Variants in PAK1 observed in about 807,000 individuals in gnomAD.
PAK1 encodes the protein p21 (RAC1) activated kinase 1.
A neutral mutation model predicts 67.4 loss-of-function variants in PAK1; 29 were observed. The observed-to-expected ratio is 0.43, with a 90% CI of 0.32 to 0.59. PAK1 has a LOEUF of 0.59. PAK1 is among the 20% of genes least tolerant of loss of function. The pLI is 0.07. For missense variants in PAK1, 337 were observed against 670.7 expected (o/e 0.50, Z 5.50); for synonymous variants, 223 against 237.4 (o/e 0.94, Z 0.56).
At chr11:77,517,843 G>A in the PAK1 span, among the ~76,000 whole-genome samples, 3 of 152,292 alleles carry the variant, frequency 2.0e-5, no homozygotes, top group South Asian at 2.1e-4. Context: ...CTCATAAGGA[G>A]CACACAACCT....
At chr11:77,374,052 T>G (rs1341713320) in intron 5 of PAK1, among the ~76,000 whole-genome samples, 1 of 152,206 alleles carries the variant, frequency 6.6e-6, no homozygotes, top group African/African-American at 2.4e-5. Flanking sequence ...GTTCCAAAAT[T>G]AGAATTTCTA....
chr11:77,341,394 T>C lies in PAK1; in HGVS notation c.999-631A>G, dbSNP rs577375148. ...GTATACATAGTCATTATGCTGACAA[T>C]TGACCTCTACTTTGAGTGTCTGTGG... On this transcript the variant is annotated intron_variant, in intron 10 of 14. Coordinates refer to ENST00000356341, the MANE Select transcript of PAK1 (RefSeq NM_002576.5). Among the ~76,000 whole-genome samples the C allele has an allele frequency of 5.4e-4, 82 of 152,330 alleles. 1 individual carries two copies. The South Asian group carries it at 0.016, about 29-fold the overall frequency.
At chr11:77,371,499 T>C (rs571024276) in intron 5 of PAK1, among the ~76,000 whole-genome samples, 3 of 152,312 alleles carry the variant, frequency 2.0e-5, no homozygotes, top group African/African-American at 7.2e-5. Flanking sequence ...AGTGAATACA[T>C]GAATGCTCAG....
chr11:77,468,141 G>C (rs1334812664), intron 1 of PAK1, among the ~76,000 whole-genome samples: 1 of 152,196 alleles, frequency 6.6e-6, no homozygotes, highest in Admixed American at 6.5e-5. Flanking sequence ...AGGGATATTG[G>C]AGAAGGCTGG....
upstream of PAK1, among the ~76,000 whole-genome samples, chr11:77,478,781 A>C (rs932209577): frequency 2.0e-5 from 3 of 151,114 alleles, no homozygotes; most frequent in African/African-American, 7.3e-5. Context: ...TCAACATTTA[A>C]ATGTTAAGAT....
the PAK1 span, among the ~76,000 whole-genome samples, chr11:77,489,386 CCTCCTCT>C: frequency 0.13 from 19,818 of 148,822 alleles, 1,873 homozygotes; most frequent in Non-Finnish European, 0.19. Context: ...ATCTCCCCTC[CCTCCTCT>C]CTCCTCTCTC....
chr11:77,327,372 G>T (rs1157570918), intron 14 of PAK1, among the ~76,000 whole-genome samples: 2 of 152,296 alleles, frequency 1.3e-5, no homozygotes, highest in East Asian at 3.9e-4. Context: ...AAATGTTAAG[G>T]GCAGCCAGAG....
intron 5 of PAK1, among the ~76,000 whole-genome samples, chr11:77,360,597 C>T (rs556932952): frequency 4.6e-5 from 7 of 152,242 alleles, no homozygotes; most frequent in African/African-American, 1.4e-4. Context: ...ATACTGTAAA[C>T]ACTAGGTTTG....
intron 1 of PAK1, among the ~76,000 whole-genome samples, chr11:77,471,870 CT>C (rs1957872664): frequency 6.6e-6 from 1 of 152,172 alleles, no homozygotes; most frequent in Non-Finnish European, 1.5e-5. Flanking sequence ...ACTGAACAAG[CT>C]TTTTACCAAA....
intron 5 of PAK1, among the ~76,000 whole-genome samples, chr11:77,366,345 A>G (rs1947579477): frequency 6.6e-6 from 1 of 152,232 alleles, no homozygotes; most frequent in Non-Finnish European, 1.5e-5. Context: ...TATTTCTTCC[A>G]TTGACTTCTT....
the PAK1 span, among the ~76,000 whole-genome samples, chr11:77,490,330 G>C: frequency 7.1e-6 from 1 of 141,692 alleles, no homozygotes; most frequent in Non-Finnish European, 1.5e-5. Context: ...GGAGGGAGGT[G>C]GGGGGGTCAG....
intron 1 of PAK1, among the ~76,000 whole-genome samples, chr11:77,415,726 T>C (rs1350384304): frequency 6.6e-6 from 1 of 152,116 alleles, no homozygotes; most frequent in Non-Finnish European, 1.5e-5. Context: ...TGGAAAGGCC[T>C]AGGATAGTAT....
At chr11:77,388,577 T>A (rs1052185198) in intron 2 of PAK1, among the ~76,000 whole-genome samples, 1 of 152,140 alleles carries the variant, frequency 6.6e-6, no homozygotes, top group African/African-American at 2.4e-5. Context: ...ATGGTCTCCA[T>A]CTCCTGACCT....
the PAK1 span, among the ~76,000 whole-genome samples, chr11:77,513,642 G>A: frequency 8.5e-6 from 1 of 118,004 alleles, no homozygotes; most frequent in African/African-American, 3.4e-5. Context: ...CTGCACTCCA[G>A]CCTGGGCAAC....
the PAK1 span, among the ~76,000 whole-genome samples, chr11:77,482,900 C>T: frequency 6.6e-6 from 1 of 151,982 alleles, no homozygotes; most frequent in Middle Eastern, 3.2e-3. Context: ...GCCACCACAC[C>T]CAGCTTTTCC....
the PAK1 span, among the ~76,000 whole-genome samples, chr11:77,507,985 C>T: frequency 6.6e-6 from 1 of 152,164 alleles, no homozygotes; most frequent in South Asian, 2.1e-4. Flanking sequence ...TCCTTCATGC[C>T]CCTTATCAGT....
chr11:77,503,735 C>T, the PAK1 span, among the ~76,000 whole-genome samples: 1 of 152,190 alleles, frequency 6.6e-6, no homozygotes. Context: ...TGTGGTGGCA[C>T]ATGCCTGTGG....
intron 1 of PAK1, among the ~76,000 whole-genome samples, chr11:77,420,822 AG>A (rs1955220766): frequency 6.6e-6 from 1 of 152,218 alleles, no homozygotes; most frequent in African/African-American, 2.4e-5. Flanking sequence ...CAACTGGGTA[AG>A]TGCTACTGGC....
chr11:77,480,236 A>C, the PAK1 span, among the ~76,000 whole-genome samples: 1 of 150,428 alleles, frequency 6.6e-6, no homozygotes, highest in African/African-American at 2.4e-5. Context: ...TTGCTCCCTC[A>C]CTCCTTTCAG....
Sources: allele counts gnomAD v4.1 joint callset (sites outside exome capture counted in the v4.1 genomes callset), GRCh38; gene constraint gnomAD v4.1.1; transcripts MANE v1.5; gene names NCBI Gene and HGNC (gene_info 2026-07-23, HGNC 2026-07-21).